NAAA: variants seen among roughly 807,000 people sequenced by gnomAD.
NAAA encodes the protein N-acylethanolamine acid amidase, also known as N-acylethanolamine-hydrolyzing acid amidase.
A neutral mutation model predicts 44.8 loss-of-function variants in NAAA; 39 were observed. That is an observed-to-expected ratio of 0.87 (90% confidence interval 0.67 to 1.14). The LOEUF is 1.14. NAAA is among the 50% of genes most tolerant of loss of function. The pLI is 0.00. For missense variants in NAAA, 460 were observed against 467.8 expected (o/e 0.98, Z 0.15); for synonymous variants, 178 against 191.3 (o/e 0.93, Z 0.58).
At chr4:75,923,860 C>T (rs936641170) in intron 5 of NAAA, among the ~76,000 whole-genome samples, 1 of 152,048 alleles carries the variant, frequency 6.6e-6, no homozygotes, top group Admixed American at 6.6e-5. Flanking sequence ...TCTTTGTCAC[C>T]ATGTGTACAG....
At chr4:75,939,831 C>A (rs1728070427) in intron 2 of NAAA, 170 bp downstream of exon 2, 1 of 679,346 alleles carries the variant, frequency 1.5e-6, no homozygotes, top group Non-Finnish European at 2.4e-6. Flanking sequence ...TCGAAGCCTA[C>A]GATGTGCAGC....
rs61736789 is a variant in NAAA, at chr4:75,921,004, C to T, written c.786G>A (p.Thr262=). Residue 262 remains threonine, a synonymous_variant, in exon 6 of 11, where the codon ACG becomes ACA. Coordinates refer to ENST00000286733, the MANE Select transcript of NAAA (RefSeq NM_014435.4). ...TGTCTGCTGGGCCATCTCTGTTCCT[C>T]GTGATGACCACCCCCTCCCGGGGGG... is the stretch of plus-strand genomic sequence containing the variant. ...GTSPREGVVI[T]RNRDGPADIW... is the part of the protein sequence containing the mutation. 6,263 of 1,611,722 alleles carry T rather than the reference C, an allele frequency of 3.9e-3. 195 individuals are homozygous for T. In the African/African-American group the frequency reaches 0.073, roughly 19 times the overall value.
At position 75,919,895 on chromosome 4, in the gene NAAA, G is replaced by T; in HGVS notation, c.969+14C>A. The T allele has an allele frequency of 6.2e-7, 1 of 1,607,238 alleles. No individual in the cohort carries two copies. Among genetic ancestry groups the T allele is most frequent in the Non-Finnish European group, 8.5e-7 (1 of 1,173,762 alleles). ...AAACATCCTAGGTATGCAGGACACT[G>T]TGACACAAGTTACCTGGAAAAGTGC... On this transcript the variant is annotated intron_variant, in intron 8 of 10. Coordinates refer to ENST00000286733, the MANE Select transcript of NAAA (RefSeq NM_014435.4).
At chr4:75,930,547 T>A in intron 4 of NAAA, 1 of 507,856 alleles carries the variant, frequency 2.0e-6, no homozygotes, top group South Asian at 1.4e-5. Flanking sequence ...GTGGCTTGTA[T>A]AACAGCATCA....
At chr4:75,930,053 A>T (rs1727090613) in intron 4 of NAAA, among the ~76,000 whole-genome samples, 1 of 152,112 alleles carries the variant, frequency 6.6e-6, no homozygotes, top group African/African-American at 2.4e-5. Flanking sequence ...CGCCCACTGC[A>T]CTCTAGCCTG....
Position 75,940,057 on chromosome 4 carries a change from G to C in NAAA, c.315C>G (p.Phe105Leu). 2 of 1,614,156 alleles carry C rather than the reference G, an allele frequency of 1.2e-6. No individual in the cohort carries two copies. The highest frequency in any genetic ancestry group is 1.7e-6 in the Non-Finnish European group (2 of 1,180,042). Residue 105 changes from phenylalanine (F) to leucine (L), a missense_variant, in exon 2 of 11, where the codon TTC becomes TTG. Phe to Leu is a conservative substitution (Grantham distance 22). Transcript: ENST00000286733. ...GGCAGTCCGCCAGGCTGAGGTTCAT[G>C]AAGTCACACATGCCGCGGATCTCGC... ...FTGEIRGMCDFMNLSLADCLL... is the reference protein window; with the variant it reads ...FTGEIRGMCDLMNLSLADCLL...
intron 4 of NAAA, among the ~76,000 whole-genome samples, chr4:75,929,232 T>A (rs931282517): frequency 3.9e-5 from 6 of 152,340 alleles, no homozygotes; most frequent in African/African-American, 1.4e-4. Context: ...GGTGTTTTGT[T>A]AAGCCTCCCC....
rs56212846 is a variant in NAAA, at chr4:75,926,560, C to CAAAAA, written c.590-754_590-750dup. Among the ~76,000 whole-genome samples the CAAAAA allele has an allele frequency of 1.0e-3, 72 of 69,792 alleles. 1 individual carries two copies. Among genetic ancestry groups the CAAAAA allele is most frequent in the South Asian group, 2.3e-3 (4 of 1,756 alleles). 45.8% of individuals were successfully genotyped at this position (69,792 alleles called of 152,430 possible). ...TGGGTGACAGAGAGAGACTCTGTCT[C>CAAAAA]AAAAAAAAAAAAAAAAAAAAGACGG... On this transcript the variant is annotated intron_variant, in intron 4 of 10. Transcript: ENST00000286733.
downstream of NAAA, among the ~76,000 whole-genome samples, chr4:75,912,368 C>T (rs947310655): frequency 2.2e-4 from 33 of 152,118 alleles, no homozygotes; most frequent in East Asian, 3.9e-4. Context: ...GCCTGACCAA[C>T]GTGGTGAAAC....
At chr4:75,933,216 AATAG>A (rs1413956835) in intron 3 of NAAA, among the ~76,000 whole-genome samples, 5 of 152,146 alleles carry the variant, frequency 3.3e-5, no homozygotes, top group South Asian at 4.1e-4. Context: ...TGTTTTAAGA[AATAG>A]ATAGTCCTAG....
At position 75,920,760 on chromosome 4, in the gene NAAA, CTGGCTTCCAG is replaced by C. The variant is rs1726075008; in HGVS notation, c.870_879del (p.His290GlnfsTer48). 6.2e-7 allele frequency: 1 copy of C among 1,614,106 alleles called. No homozygotes were observed. The highest frequency in any genetic ancestry group is 8.5e-7 in the Non-Finnish European group (1 of 1,180,044). ...TACCTCCGGTCATCTTCCTTGGGTGCTGGCTTCCAGTGGTCGTAATTTGTCTCAACTCGGA... is the reference window on the plus strand; with the variant it reads ...TACCTCCGGTCATCTTCCTTGGGTGCTGGTCGTAATTTGTCTCAACTCGGA... On this transcript the variant is annotated frameshift_variant, in exon 7 of 11. Coordinates refer to ENST00000286733, the MANE Select transcript of NAAA (RefSeq NM_014435.4). LOFTEE classifies it high-confidence loss of function.
chr4:75,934,720 G>T (rs187366663), intron 3 of NAAA, among the ~76,000 whole-genome samples: 82 of 152,228 alleles, frequency 5.4e-4, no homozygotes, highest in Admixed American at 1.6e-3. Flanking sequence ...CAATTTCTTG[G>T]CCATGAGTCC....
intron 1 of NAAA, among the ~76,000 whole-genome samples, chr4:75,940,506 C>A (rs1218770765): frequency 2.6e-5 from 4 of 152,252 alleles, no homozygotes; most frequent in African/African-American, 9.6e-5. Context: ...TCGCGCGCCA[C>A]GCTGACCCGG....
intron 5 of NAAA, among the ~76,000 whole-genome samples, chr4:75,921,730 G>A (rs1219565744): frequency 6.6e-6 from 1 of 152,208 alleles, no homozygotes; most frequent in Non-Finnish European, 1.5e-5. Context: ...AGTGAGTGGT[G>A]AAAGTGGTGG....
chr4:75,940,921 G>A lies in NAAA; in HGVS notation c.29C>T (p.Pro10Leu), dbSNP rs771777937. 6.6e-6 allele frequency: 10 copies of A among 1,504,852 alleles called. No homozygotes were observed. In the South Asian group the frequency reaches 7.4e-5, roughly 11 times the overall value. 93.2% of individuals were successfully genotyped at this position (1,504,852 alleles called of 1,614,324 possible). Reference protein sequence around the residue: MRTADREARPGLPSLLLLLL... With the variant: MRTADREARLGLPSLLLLLL... ...CAGCAGCAGCAGGGACGGAAGCCCC[G>A]GGCGCGCCTCCCGGTCCGCGGTCCG... The change falls in exon 1 of 11, where the codon CCG becomes CTG. Residue 10 changes from proline (P) to leucine (L), a missense_variant. Pro to Leu is a moderately conservative substitution (Grantham distance 98). Coordinates refer to ENST00000286733, the MANE Select transcript of NAAA (RefSeq NM_014435.4).
chr4:75,930,499 G>A (rs756338264), intron 4 of NAAA: 1 of 518,532 alleles, frequency 1.9e-6, no homozygotes, highest in South Asian at 1.4e-5. Context: ...GAAGACATGT[G>A]AGGATGTACA....
At chr4:75,912,547 C>G (rs531151479), downstream of NAAA, among the ~76,000 whole-genome samples, 2 of 136,152 alleles carry the variant, frequency 1.5e-5, no homozygotes, top group South Asian at 4.6e-4. Flanking sequence ...GAGGGAGACT[C>G]TGTCTGGAAA....
At chr4:75,916,778 CTTTTTTT>C (rs35739236) in intron 9 of NAAA, among the ~76,000 whole-genome samples, 196 of 76,982 alleles carry the variant, frequency 2.5e-3, no homozygotes, top group African/African-American at 8.7e-3. Context: ...TTCATCACTT[CTTTTTTT>C]TTTTTTTTTT....
At chr4:75,937,335 C>T (rs1192825855) in intron 2 of NAAA, among the ~76,000 whole-genome samples, 1 of 152,216 alleles carries the variant, frequency 6.6e-6, no homozygotes, top group Non-Finnish European at 1.5e-5. Flanking sequence ...AGGAAAATCG[C>T]TTGAACCAGG....
Sources: gnomAD v4.1 joint callset for allele counts (sites outside exome capture counted in the v4.1 genomes callset) on GRCh38, gnomAD v4.1.1 for gene constraint, MANE v1.5 for transcripts, NCBI Gene and HGNC (gene_info 2026-07-23, HGNC 2026-07-21) for gene names.